The following GPC5 variants were observed in gnomAD, a reference collection of about 807,000 sequenced individuals.
GPC5 encodes glypican-5.
GPC5 carries 47 observed loss-of-function variants against 53.9 expected under a neutral mutation model. The observed-to-expected ratio is 0.87, with a 90% CI of 0.69 to 1.11. GPC5 has a LOEUF of 1.11. Ranked by LOEUF, GPC5 falls within the 50% of genes most tolerant of loss-of-function variation. GPC5 has a pLI of 0.00. For synonymous variants in GPC5, 286 were observed against 263.3 expected (o/e 1.09, Z -0.84); for missense variants, 748 against 713.1 (o/e 1.05, Z -0.56).
At chr13:92,552,912 G>A (rs1440214508) in intron 7 of GPC5, among the ~76,000 whole-genome samples, 1 of 151,780 alleles carries the variant, frequency 6.6e-6, no homozygotes, top group African/African-American at 2.4e-5. Flanking sequence ...ATTCTCACTT[G>A]TACTTTCTTT....
intron 5 of GPC5, among the ~76,000 whole-genome samples, chr13:91,774,209 T>G (rs2037671929): frequency 6.6e-6 from 1 of 152,184 alleles, no homozygotes; most frequent in Non-Finnish European, 1.5e-5. Flanking sequence ...ACTAAAAAAA[T>G]GTGAATATCA....
chr13:92,764,268 T>C (rs1232462478), intron 7 of GPC5, among the ~76,000 whole-genome samples: 1 of 152,180 alleles, frequency 6.6e-6, no homozygotes, highest in Non-Finnish European at 1.5e-5. Context: ...AGGCTGGCTA[T>C]CAGGCAGAGG....
intron 5 of GPC5, among the ~76,000 whole-genome samples, chr13:91,873,599 G>A (rs999984019): frequency 6.6e-6 from 1 of 152,150 alleles, no homozygotes; most frequent in Admixed American, 6.5e-5. Context: ...TCCCCCATGA[G>A]TGTGAGGCCT....
intron 7 of GPC5, among the ~76,000 whole-genome samples, chr13:92,548,299 T>C (rs1882196946): frequency 2.0e-5 from 3 of 151,446 alleles, no homozygotes; most frequent in African/African-American, 7.3e-5. Flanking sequence ...TTAAAGTAAA[T>C]ATACCAAGCA....
At chr13:91,492,283 A>G (rs998922092) in intron 2 of GPC5, among the ~76,000 whole-genome samples, 2 of 152,204 alleles carry the variant, frequency 1.3e-5, no homozygotes, top group East Asian at 1.9e-4. Flanking sequence ...CTGGATATAT[A>G]TACATAGCTG....
chr13:91,843,286 T>C (rs1463864079), intron 5 of GPC5, among the ~76,000 whole-genome samples: 2 of 152,184 alleles, frequency 1.3e-5, no homozygotes, highest in Non-Finnish European at 2.9e-5. Flanking sequence ...AATGGAGATA[T>C]AAACATGTAT....
At chr13:92,685,575 A>AATTTTTTTTTTTT (rs1887247180) in intron 7 of GPC5, among the ~76,000 whole-genome samples, 34 of 47,534 alleles carry the variant, frequency 7.2e-4, no homozygotes, top group South Asian at 3.0e-3. Context: ...TTTTTTTTTT[A>AATTTTTTTTTTTT]TTATACTCTA....
At chr13:91,872,008 T>C (rs2039150776) in intron 5 of GPC5, among the ~76,000 whole-genome samples, 1 of 152,112 alleles carries the variant, frequency 6.6e-6, no homozygotes, top group South Asian at 2.1e-4. Context: ...GGTGAACCTC[T>C]GTCTGTGAAG....
At chr13:92,836,751 C>A (rs1878232620) in intron 7 of GPC5, among the ~76,000 whole-genome samples, 1 of 151,900 alleles carries the variant, frequency 6.6e-6, no homozygotes, top group Non-Finnish European at 1.5e-5. Flanking sequence ...TAGAACTGAT[C>A]ATTGTAGAGA....
intron 6 of GPC5, among the ~76,000 whole-genome samples, chr13:92,064,529 G>A (rs922054518): frequency 2.0e-5 from 3 of 152,050 alleles, no homozygotes; most frequent in African/African-American, 7.2e-5. Context: ...AGGCCCAAGC[G>A]GGTGGATCAC....
chr13:92,082,715 T>C lies in GPC5; in HGVS notation c.1402-62115T>C, dbSNP rs1293790901. ...ATTTTTCTCTACAGAGTTTTATTAT[T>C]GAGCCATTATTCAATTATGAGAAAG... is the stretch of plus-strand genomic sequence containing the variant. On this transcript the variant is annotated intron_variant, in intron 6 of 7. Transcript: ENST00000377067. 2.6e-5 allele frequency among the ~76,000 whole-genome samples: 4 copies of C among 152,188 alleles called. No homozygotes were observed. The East Asian group carries it at 7.7e-4, about 29-fold the overall frequency.
At chr13:92,465,756 A>G (rs1200183401) in intron 7 of GPC5, among the ~76,000 whole-genome samples, 1 of 152,046 alleles carries the variant, frequency 6.6e-6, no homozygotes, top group East Asian at 1.9e-4. Context: ...TTCCATACTG[A>G]CAGCAGTGCA....
At chr13:92,755,917 AC>A (rs1253800665) in intron 7 of GPC5, among the ~76,000 whole-genome samples, 3 of 149,720 alleles carry the variant, frequency 2.0e-5, no homozygotes, top group African/African-American at 4.9e-5. Context: ...AGGAACTGGT[AC>A]CATTCCTTCT....
chr13:91,594,761 C>T (rs1355036249), intron 2 of GPC5, among the ~76,000 whole-genome samples: 1 of 152,026 alleles, frequency 6.6e-6, no homozygotes, highest in Non-Finnish European at 1.5e-5. Context: ...TCACTGCAGC[C>T]TCAACTTCCT....
At chr13:91,942,459 C>T (rs990864471) in intron 6 of GPC5, among the ~76,000 whole-genome samples, 4 of 151,988 alleles carry the variant, frequency 2.6e-5, no homozygotes, top group Admixed American at 6.6e-5. Flanking sequence ...CTGATTAATT[C>T]TCCCTTTAGT....
intron 7 of GPC5, among the ~76,000 whole-genome samples, chr13:92,250,816 A>G (rs568159203): frequency 6.6e-6 from 1 of 152,284 alleles, no homozygotes. Context: ...ATGTAAACTA[A>G]TAAAAATAAA....
intron 7 of GPC5, among the ~76,000 whole-genome samples, chr13:92,209,280 A>G (rs1033222777): frequency 1.3e-5 from 2 of 152,180 alleles, no homozygotes; most frequent in East Asian, 3.9e-4. Flanking sequence ...TTGTATACTA[A>G]TTAGGATGTT....
In GPC5 at chr13:92,404,672, G is replaced by A. The variant is rs34022722; in HGVS notation, c.1561+259683G>A. 6.2e-3 allele frequency among the ~76,000 whole-genome samples: 821 copies of A among 132,172 alleles called. 54 individuals carry two copies. Among genetic ancestry groups the A allele is most frequent in the Middle Eastern group, 0.029 (8 of 272 alleles). 86.7% of individuals were successfully genotyped at this position (132,172 alleles called of 152,430 possible). ...TTCCTAATTTACAGAAGGAAACTGA[G>A]GCCTATACTGAATGTCTTTCCTGGG... On this transcript the variant is annotated intron_variant, in intron 7 of 7. Coordinates refer to ENST00000377067, the MANE Select transcript of GPC5 (RefSeq NM_004466.6).
chr13:92,276,190 G>T (rs985929704), intron 7 of GPC5, among the ~76,000 whole-genome samples: 3 of 152,084 alleles, frequency 2.0e-5, no homozygotes, highest in Admixed American at 6.6e-5. Context: ...GAATTTGCAT[G>T]TCAAATTTTG....
Sources: gnomAD v4.1 joint callset for allele counts (sites outside exome capture counted in the v4.1 genomes callset) on GRCh38, gnomAD v4.1.1 for gene constraint, MANE v1.5 for transcripts, NCBI Gene and HGNC (gene_info 2026-07-23, HGNC 2026-07-21) for gene names.